Variants in AVEN observed in about 807,000 individuals in gnomAD.
AVEN encodes the protein cell death regulator Aven.
A neutral mutation model predicts 38.1 loss-of-function variants in AVEN; 41 were observed. The observed-to-expected ratio is 1.08, with a 90% CI of 0.84 to 1.40. The LOEUF is 1.40. Ranked by LOEUF, AVEN falls within the 40% of genes most tolerant of loss-of-function variation. The pLI, the probability that AVEN is intolerant of heterozygous loss-of-function variation, is 0.00. For synonymous variants in AVEN, 206 were observed against 171.8 expected, an observed-to-expected ratio of 1.20 and a Z score of -1.56; for missense variants, 605 against 438.8, an observed-to-expected ratio of 1.38 and a Z score of -3.38.
intron 3 of AVEN, among the ~76,000 whole-genome samples, chr15:33,875,440 G>A (rs1378338122): frequency 6.6e-6 from 1 of 152,190 alleles, no homozygotes; most frequent in African/African-American, 2.4e-5. Context: ...ATTTGGGGTT[G>A]AGAGACTTGC....
rs1319228913 is a variant in AVEN at position 33,866,265 on chromosome 15, G to T, written c.*348C>A. 3 of 229,664 alleles carry T rather than the reference G, an allele frequency of 1.3e-5. No individual in the cohort carries two copies. Among genetic ancestry groups the T allele is most frequent in the Non-Finnish European group, 2.6e-5 (3 of 117,582 alleles). 14.2% of individuals were successfully genotyped at this position (229,664 alleles called of 1,614,324 possible). On this transcript the variant is annotated 3_prime_UTR_variant, in exon 6 of 6. Transcript: ENST00000306730. ...ATTTGTTTATTTTGGCCAAATGCAT[G>T]CCTTGTTTGCATCTATTCTCTTAAT...
At chr15:33,981,496 G>A (rs116744315) in intron 2 of AVEN, among the ~76,000 whole-genome samples, 1,608 of 152,174 alleles carry the variant, frequency 0.011, 31 homozygotes, top group African/African-American at 0.037. Flanking sequence ...TACTAAAAAT[G>A]GGGGGAAGGG....
Position 33,915,630 on chromosome 15 carries a change from T to A in AVEN, c.446-39635A>T, listed in dbSNP as rs189583115. On this transcript the variant is annotated intron_variant, in intron 2 of 5. Coordinates refer to ENST00000306730, the MANE Select transcript of AVEN (RefSeq NM_020371.3). ...GGAGAAGGGAACTTCCAGCTGAGCT[T>A]TGTAACAATTTCGATAGAACTCAAA... 3.9e-5 allele frequency among the ~76,000 whole-genome samples: 6 copies of A among 152,226 alleles called. No individual in the cohort carries two copies. The East Asian group carries it at 1.2e-3, about 29-fold the overall frequency.
Position 33,866,564 on chromosome 15 carries a change from G to C in AVEN, c.*49C>G. 1 of 1,426,356 alleles carries C rather than the reference G, an allele frequency of 7.0e-7. No homozygotes were observed. Among genetic ancestry groups the C allele is most frequent in the Non-Finnish European group, 9.9e-7 (1 of 1,012,374 alleles). 88.4% of individuals were successfully genotyped at this position (1,426,356 alleles called of 1,614,324 possible). ...CTGAAGGACAGCCTTATGCCCACCT[G>C]CCGTTAGAAGGCAACCAAGATTTGC... On this transcript the variant is annotated 3_prime_UTR_variant, in exon 6 of 6. Coordinates refer to ENST00000306730, the MANE Select transcript of AVEN (RefSeq NM_020371.3).
chr15:34,046,338 G>T (rs1899678859), intron 5 of AVEN, among the ~76,000 whole-genome samples: 1 of 50,230 alleles, frequency 2.0e-5, no homozygotes, highest in Non-Finnish European at 4.2e-5. Flanking sequence ...CAAAAAGTGA[G>T]GCAGGAAAAA....
At chr15:33,978,917 G>C (rs1279912538) in intron 2 of AVEN, among the ~76,000 whole-genome samples, 3 of 110,644 alleles carry the variant, frequency 2.7e-5, no homozygotes, top group Non-Finnish European at 6.3e-5. Context: ...GGAAAGAGAT[G>C]TATGTCCATG....
intron 2 of AVEN, among the ~76,000 whole-genome samples, chr15:33,889,442 C>T (rs1891841863): frequency 6.6e-6 from 1 of 152,154 alleles, no homozygotes; most frequent in Non-Finnish European, 1.5e-5. Flanking sequence ...ATGAGCTTAG[C>T]TGAAAACTCT....
chr15:33,938,230 C>T (rs909324685), intron 2 of AVEN, among the ~76,000 whole-genome samples: 12 of 151,824 alleles, frequency 7.9e-5, no homozygotes, highest in African/African-American at 1.9e-4. Flanking sequence ...CCGAGGTGGG[C>T]GGATCACGAG....
chr15:34,013,225 C>A (rs571880370), intron 1 of AVEN, among the ~76,000 whole-genome samples: 1 of 152,228 alleles, frequency 6.6e-6, no homozygotes, highest in South Asian at 2.1e-4. Flanking sequence ...CCACGCCCAG[C>A]TAATATTTGT....
At chr15:34,053,049 C>A (rs1394686357) in intron 5 of AVEN, among the ~76,000 whole-genome samples, 1 of 151,844 alleles carries the variant, frequency 6.6e-6, no homozygotes, top group Non-Finnish European at 1.5e-5. Context: ...CCTGTAATCC[C>A]AGCACTTTGG....
downstream of AVEN, chr15:33,854,737 C>T (rs2079468292): frequency 1.3e-6 from 2 of 1,581,818 alleles, no homozygotes; most frequent in East Asian, 4.5e-5. Flanking sequence ...GGCAAACATG[C>T]TTAAAAGTCT....
intron 5 of AVEN, chr15:34,062,574 A>AAC: frequency 4.2e-6 from 3 of 715,746 alleles, no homozygotes; most frequent in African/African-American, 3.6e-5. Flanking sequence ...AAAAAAAAAA[A>AAC]CTATAAACAA....
At chr15:33,863,613 G>C (rs1001270402), downstream of AVEN, among the ~76,000 whole-genome samples, 1 of 152,158 alleles carries the variant, frequency 6.6e-6, no homozygotes, top group Non-Finnish European at 1.5e-5. Context: ...GGATCACAGA[G>C]CAAGTGAAAC....
Position 34,054,708 on chromosome 15 carries a change from C to T in AVEN, n.1637+8214G>A, listed in dbSNP as rs1159342746. On this transcript the variant is annotated intron_variant and non_coding_transcript_variant, in intron 5 of 11. Coordinates refer to the AVEN transcript ENST00000675287. ...GGGGTGAGGGTAGGAGGAGGGAGAA[C>T]ATCAAGAAGAATAGGTAATAGATGT... is the stretch of plus-strand genomic sequence containing the variant. 2.0e-5 allele frequency among the ~76,000 whole-genome samples: 3 copies of T among 152,070 alleles called. No homozygotes were observed. In the East Asian group the frequency reaches 5.8e-4, roughly 29 times the overall value.
At chr15:33,950,534 A>G (rs536974825) in intron 2 of AVEN, among the ~76,000 whole-genome samples, 1 of 152,344 alleles carries the variant, frequency 6.6e-6, no homozygotes, top group East Asian at 1.9e-4. Flanking sequence ...AAAACCCACA[A>G]GGGTGAACTT....
intron 1 of AVEN, among the ~76,000 whole-genome samples, chr15:34,012,356 G>A (rs761829082): frequency 2.0e-5 from 3 of 152,128 alleles, no homozygotes; most frequent in East Asian, 1.9e-4. Flanking sequence ...ATGATTAAAG[G>A]TCATCTGTAT....
chr15:33,853,599 T>A, the AVEN span: 107 of 1,613,900 alleles, frequency 6.6e-5, no homozygotes, highest in Non-Finnish European at 8.2e-5. Flanking sequence ...AACGCATTGC[T>A]GAACTTCTGG....
At chr15:33,995,758 C>T (rs146835698) in intron 2 of AVEN, among the ~76,000 whole-genome samples, 1 of 152,342 alleles carries the variant, frequency 6.6e-6, no homozygotes, top group Admixed American at 6.5e-5. Flanking sequence ...CAGCTCCCAG[C>T]GTGATCAATG....
At chr15:34,025,724 G>A (rs1475708133) in intron 1 of AVEN, among the ~76,000 whole-genome samples, 1 of 152,068 alleles carries the variant, frequency 6.6e-6, no homozygotes, top group Non-Finnish European at 1.5e-5. Context: ...AAAAAAAATT[G>A]TGTGTGTGTG....
Sources: gnomAD v4.1 joint callset for allele counts (sites outside exome capture counted in the v4.1 genomes callset) on GRCh38, gnomAD v4.1.1 for gene constraint, MANE v1.5 for transcripts, NCBI Gene and HGNC (gene_info 2026-07-23, HGNC 2026-07-21) for gene names.